The following PPP2R3B variants were observed in gnomAD, a reference collection of about 807,000 sequenced individuals.
PPP2R3B encodes the protein serine/threonine-protein phosphatase 2A regulatory subunit B'' subunit beta.
A neutral mutation model predicts 72.9 loss-of-function variants in PPP2R3B; 68 were observed. That is an observed-to-expected ratio of 0.93 (90% CI 0.77 to 1.14). The LOEUF (loss-of-function observed/expected upper bound fraction) is 1.14. Among genes scored for constraint, PPP2R3B ranks in the 50% most tolerant of loss-of-function variants. The pLI is 0.00. For synonymous variants in PPP2R3B, 466 were observed against 375.8 expected (o/e 1.24, Z -2.78); for missense variants, 1,018 against 842.0 (o/e 1.21, Z -2.59).
chrX:368,598 G>A (rs2071782400), intron 1 of PPP2R3B, among the ~76,000 whole-genome samples: 1 of 100,546 alleles, frequency 9.9e-6, no homozygotes, highest in Non-Finnish European at 2.0e-5. Flanking sequence ...GGCACCGACC[G>A]GGGGAAGGCC....
intron 1 of PPP2R3B, among the ~76,000 whole-genome samples, chrX:383,403 G>A (rs181811375): frequency 1.3e-5 from 2 of 152,024 alleles, no homozygotes; most frequent in Non-Finnish European, 2.9e-5. Context: ...AAGTTCCGAC[G>A]GAACATTCTG....
intron 7 of PPP2R3B, chrX:345,093 G>T (rs1191198343): frequency 2.2e-6 from 1 of 461,870 alleles, no homozygotes; most frequent in African/African-American, 2.0e-5. Context: ...ATGAACGACC[G>T]CTAAGCCTGG....
chrX:334,546 C>T, intron 12 of PPP2R3B, 29 bp from the exon 13 acceptor site: 1 of 1,503,770 alleles, frequency 6.6e-7, no homozygotes, highest in South Asian at 1.3e-5. Context: ...GAAGACGTGG[C>T]CAGCAGCGCG....
At chrX:354,195 G>A (rs759263756) in intron 2 of PPP2R3B, among the ~76,000 whole-genome samples, 14 of 147,530 alleles carry the variant, frequency 9.5e-5, no homozygotes, top group Middle Eastern at 3.6e-3. Flanking sequence ...AACACCGGGG[G>A]CTCACCCAGG....
At chrX:367,566 C>A (rs1370497810) in intron 1 of PPP2R3B, among the ~76,000 whole-genome samples, 2 of 152,098 alleles carry the variant, frequency 1.3e-5, no homozygotes, top group Non-Finnish European at 2.9e-5. Context: ...CCCGGCCAGC[C>A]ATTGACATTT....
At chrX:375,330 A>C (rs1346188758) in intron 1 of PPP2R3B, among the ~76,000 whole-genome samples, 1 of 152,260 alleles carries the variant, frequency 6.6e-6, no homozygotes, top group East Asian at 1.9e-4. Context: ...GCAAACTCAC[A>C]GGGCAGAGGT....
In PPP2R3B at chrX:334,064, ACGGACCCTTTCCACAGACGCAGGCCC is replaced by A; in HGVS notation, c.*277_*302del. ...AGCCGCCGGTCACCGTTGTGCGCACACGGACCCTTTCCACAGACGCAGGCCCCGGAACCCAGGCTGGGTCGGGAACG... is the reference window on the plus strand; with the variant it reads ...AGCCGCCGGTCACCGTTGTGCGCACACGGAACCCAGGCTGGGTCGGGAACG... On this transcript the variant is annotated 3_prime_UTR_variant, in exon 13 of 13. Transcript: ENST00000390665. 3.2e-6 allele frequency: 1 copy of A among 313,290 alleles called. No individual in the cohort carries two copies. The highest frequency in any genetic ancestry group is 5.8e-6 in the Non-Finnish European group (1 of 171,664). The allele number at this position is 313,290 out of a possible 1,614,324, so 19.4% of individuals were successfully genotyped here.
At chrX:342,162 C>T (rs1256321606) in intron 7 of PPP2R3B, 14 of 615,138 alleles carry the variant, frequency 2.3e-5, no homozygotes, top group South Asian at 7.7e-5. Flanking sequence ...CAAAGCTGAC[C>T]GCGGCTCCAA....
At chrX:353,352 T>G (rs1219423597) in intron 2 of PPP2R3B, among the ~76,000 whole-genome samples, 1 of 151,396 alleles carries the variant, frequency 6.6e-6, no homozygotes, top group Non-Finnish European at 1.5e-5. Context: ...CCAGCTTGGG[T>G]GACAGAGCAA....
At chrX:385,153 C>T (rs1175391567) in intron 1 of PPP2R3B, among the ~76,000 whole-genome samples, 2 of 151,810 alleles carry the variant, frequency 1.3e-5, no homozygotes, top group African/African-American at 4.8e-5. Flanking sequence ...AAGGTGAACT[C>T]GGGAGTAGGT....
At chrX:351,509 AGTGC>A (rs1407640771) in intron 2 of PPP2R3B, among the ~76,000 whole-genome samples, 4 of 152,166 alleles carry the variant, frequency 2.6e-5, no homozygotes, top group Non-Finnish European at 4.4e-5. Context: ...TGCAGGCTGG[AGTGC>A]AGTGTGTGAT....
rs2070833716 is a variant in PPP2R3B, at chrX:334,468, A to C, written c.1627T>G (p.Ser543Ala). ...AAGAAGGGCCTCTGGGCCAGCGGGG[A>C]GCGCAGCGCACTCAGCTTCTGCTCC... ...PVEQKLSALR[S>A]PLAQRPFFEA... Residue 543 changes from serine (S) to alanine (A), a missense_variant, in exon 13 of 13, where the codon TCC becomes GCC. Coordinates refer to ENST00000390665, the MANE Select transcript of PPP2R3B (RefSeq NM_013239.5). 6.3e-7 allele frequency: 1 copy of C among 1,592,076 alleles called. No individual in the cohort carries two copies. The highest frequency in any genetic ancestry group is 1.4e-5 in the African/African-American group (1 of 73,720).
chrX:344,147 G>C (rs377534834), intron 7 of PPP2R3B, among the ~76,000 whole-genome samples: 1,591 of 15,170 alleles, frequency 0.1, 143 homozygotes, highest in Middle Eastern at 0.22. Flanking sequence ...GGAGACCTCA[G>C]CAACGGGAGG....
At chrX:357,975 C>T (rs997421485) in intron 2 of PPP2R3B, among the ~76,000 whole-genome samples, 1 of 152,142 alleles carries the variant, frequency 6.6e-6, no homozygotes, top group Non-Finnish European at 1.5e-5. Context: ...CACGGGGGGA[C>T]CCCCCTCATC....
At chrX:338,114 C>T (rs188964859) in intron 12 of PPP2R3B, 25 of 185,472 alleles carry the variant, frequency 1.3e-4, no homozygotes, top group East Asian at 8.2e-4. Context: ...GGGAAAAAGG[C>T]GAACACGTCG....
intron 1 of PPP2R3B, among the ~76,000 whole-genome samples, chrX:376,223 G>A (rs1383003437): frequency 1.3e-5 from 2 of 151,834 alleles, no homozygotes; most frequent in African/African-American, 4.8e-5. Flanking sequence ...AAGACTTTTG[G>A]AAAACAGCCT....
intron 1 of PPP2R3B, among the ~76,000 whole-genome samples, chrX:363,097 G>C (rs933208908): frequency 6.6e-6 from 1 of 152,018 alleles, no homozygotes; most frequent in African/African-American, 2.4e-5. Context: ...GGCAGAGCAG[G>C]CTTCCCGCAG....
intron 1 of PPP2R3B, among the ~76,000 whole-genome samples, chrX:375,898 G>A (rs1401057081): frequency 6.5e-5 from 9 of 139,386 alleles, no homozygotes; most frequent in Admixed American, 5.7e-4. Context: ...TTCCGTACAA[G>A]ACTTTTGGAA....
chrX:362,786 C>G (rs1255757293), intron 1 of PPP2R3B, among the ~76,000 whole-genome samples: 1 of 152,102 alleles, frequency 6.6e-6, no homozygotes, highest in Non-Finnish European at 1.5e-5. Context: ...AACAGCCCGC[C>G]CTGCTACTCC....
Sources: gnomAD v4.1 joint callset for allele counts (sites outside exome capture counted in the v4.1 genomes callset) on GRCh38, gnomAD v4.1.1 for gene constraint, MANE v1.5 for transcripts, NCBI Gene and HGNC (gene_info 2026-07-23, HGNC 2026-07-21) for gene names.